Variants in TAB3 observed in about 807,000 individuals in gnomAD.
TAB3 encodes TGF-beta-activated kinase 1 and MAP3K7-binding protein 3.
In TAB3, 18 loss-of-function variants were observed where a neutral mutation model predicts 48.1. That is an observed-to-expected ratio of 0.37 (90% CI 0.26 to 0.55). TAB3 has a LOEUF of 0.55. Ranked by LOEUF, TAB3 falls within the 20% of genes least tolerant of loss-of-function variation. The pLI is 0.78. For synonymous variants in TAB3, 185 were observed against 190.2 expected (o/e 0.97, Z 0.22); for missense variants, 414 against 549.8 (o/e 0.75, Z 2.47).
At position 30,829,933 on chromosome X, in the gene TAB3, T is replaced by C. The variant is rs1326952079; in HGVS notation, c.*1494A>G. 1 of 110,373 alleles carries C rather than the reference T, an allele frequency of 9.1e-6. No individual in the cohort carries two copies. The highest frequency in any genetic ancestry group is 1.9e-5 in the Non-Finnish European group (1 of 52,848). The allele number at this position is 110,373 out of a possible 1,213,427, so 9.1% of individuals were successfully genotyped here. A position where few individuals can be genotyped will look rare whatever the true frequency, so the allele number is the denominator to read the frequency against. On this transcript the variant is annotated 3_prime_UTR_variant, in exon 11 of 11. Coordinates refer to ENST00000288422, the MANE Select transcript of TAB3 (RefSeq NM_152787.5). Reference sequence around the variant, plus strand: ...TATCCTCAGGTAAAATCCTTTAGGATGGGAGAACCTACTAACTTTATTGCT... The same window carrying C: ...TATCCTCAGGTAAAATCCTTTAGGACGGGAGAACCTACTAACTTTATTGCT...
chrX:30,874,687 C>T (rs1235100250), intron 1 of TAB3, among the ~76,000 whole-genome samples: 1 of 111,807 alleles, frequency 8.9e-6, no homozygotes, highest in Non-Finnish European at 1.9e-5. Flanking sequence ...GAAGCAGAAT[C>T]ACTAGAAGTA....
In TAB3 at chrX:30,854,203, C is replaced by T. The variant is rs867446008; in HGVS notation, c.1462G>A (p.Val488Met). 2.5e-6 allele frequency: 3 copies of T among 1,209,466 alleles called. No individual in the cohort carries two copies. The highest frequency in any genetic ancestry group is 3.5e-5 in the African/African-American group (2 of 56,996). ...TTTTCTCCCCCAGAGCCTGGTATCA[C>T]TGAAATGGGCTGAATAGGTTCTGGT... ...AAPEPIQPIS[V>M]IPGSGGEKGS... The change falls in exon 6 of 11, where the codon GTG (valine) becomes ATG (methionine). Residue 488 changes from valine (V) to methionine (M), a missense_variant. By Grantham distance (21) the Val-to-Met change is conservative. Coordinates refer to ENST00000288422, the MANE Select transcript of TAB3 (RefSeq NM_152787.5).
intron 1 of TAB3, among the ~76,000 whole-genome samples, chrX:30,881,296 G>A (rs1311592579): frequency 1.8e-5 from 2 of 110,451 alleles, no homozygotes; most frequent in Non-Finnish European, 3.8e-5. Context: ...AATTCACTGA[G>A]TTGTTCACTA....
chrX:30,838,478 T>C (rs983312117), intron 9 of TAB3, among the ~76,000 whole-genome samples: 2 of 112,057 alleles, frequency 1.8e-5, no homozygotes, highest in African/African-American at 6.5e-5. Context: ...GGATGCTCTT[T>C]TTCAAGATTG....
chrX:30,853,355 TC>T (rs1938931369), intron 6 of TAB3, among the ~76,000 whole-genome samples: 1 of 112,851 alleles, frequency 8.9e-6, no homozygotes, highest in Admixed American at 9.4e-5. Flanking sequence ...TATTAGCTAA[TC>T]CAGTAATTCC....
intron 1 of TAB3, among the ~76,000 whole-genome samples, chrX:30,886,989 C>T (rs1161252909): frequency 2.7e-5 from 3 of 111,811 alleles, no homozygotes; most frequent in Non-Finnish European, 5.6e-5. Flanking sequence ...GAAGAGCTGC[C>T]GTCTTTTCTG....
Position 30,854,725 on chromosome X carries a change from A to G in TAB3, c.940T>C (p.Ser314Pro), listed in dbSNP as rs1009326635. ...GGCATAAAGATGTGGCCCAACTGGG[A>G]AGGTTGCACTTGATGCTGTGGAGAG... ...FSSPQHQVQP[S>P]QLGHIFMPPS... Residue 314 changes from serine (S) to proline (P), a missense_variant, in exon 6 of 11, where the codon TCC becomes CCC. Transcript: ENST00000288422. The G allele has an allele frequency of 8.3e-6, 10 of 1,209,536 alleles. No individual in the cohort carries two copies. In the African/African-American group the frequency reaches 1.8e-4, roughly 21 times the overall value.
chrX:30,885,271 A>G (rs950027794), intron 1 of TAB3, among the ~76,000 whole-genome samples: 4 of 112,049 alleles, frequency 3.6e-5, no homozygotes, highest in Admixed American at 9.4e-5. Flanking sequence ...CCAGGAGACA[A>G]TGATCAATAT....
intron 1 of TAB3, among the ~76,000 whole-genome samples, chrX:30,879,103 A>G (rs1396936065): frequency 8.9e-6 from 1 of 112,162 alleles, no homozygotes; most frequent in Non-Finnish European, 1.9e-5. Context: ...ATAAAAGCAG[A>G]TATTAACAAA....
chrX:30,860,062 G>A, intron 4 of TAB3, among the ~76,000 whole-genome samples: 1 of 111,938 alleles, frequency 8.9e-6, no homozygotes, highest in Middle Eastern at 4.6e-3. Flanking sequence ...GCACTCACTG[G>A]CCACATTTGC....
chrX:30,878,516 A>AAAAAGAAAG (rs57251085), intron 1 of TAB3, among the ~76,000 whole-genome samples: 2 of 79,604 alleles, frequency 2.5e-5, no homozygotes, highest in African/African-American at 1.0e-4. Flanking sequence ...AAAAAAAAAA[A>AAAAAGAAAG]AAAGAAAGAA....
intron 10 of TAB3, among the ~76,000 whole-genome samples, chrX:30,832,973 C>CTTTTT (rs771088514): frequency 3.1e-5 from 3 of 97,914 alleles, no homozygotes; most frequent in African/African-American, 7.7e-5. Flanking sequence ...TTCTTTCTTT[C>CTTTTT]TTTTTTTTTT....
At chrX:30,840,599 T>A (rs953718194) in intron 9 of TAB3, among the ~76,000 whole-genome samples, 3 of 111,292 alleles carry the variant, frequency 2.7e-5, no homozygotes, top group African/African-American at 9.8e-5. Context: ...GGGGCAGGTC[T>A]TGTGATAGTA....
At chrX:30,868,348 ATAGCTTATATATATATATAT>A in intron 2 of TAB3, among the ~76,000 whole-genome samples, 1 of 27,936 alleles carries the variant, frequency 3.6e-5, no homozygotes, top group African/African-American at 1.9e-4. Flanking sequence ...TTTTATATAT[ATAGCTTATATATATATATAT>A]AGCTTATATA....
intron 8 of TAB3, 158 bp from the exon 9 acceptor site, chrX:30,843,207 G>C: frequency 2.5e-6 from 1 of 400,193 alleles, no homozygotes; most frequent in East Asian, 4.2e-5. Context: ...CAATGAAATT[G>C]TGTTTTCATC....
At chrX:30,848,466 G>A (rs1330433708) in intron 7 of TAB3, among the ~76,000 whole-genome samples, 1 of 111,615 alleles carries the variant, frequency 9.0e-6, no homozygotes, top group Admixed American at 9.5e-5. Context: ...AGGTTGCAGT[G>A]AGCCCAGATT....
chrX:30,877,158 A>G (rs1488865436), intron 1 of TAB3, among the ~76,000 whole-genome samples: 2 of 112,332 alleles, frequency 1.8e-5, no homozygotes, highest in Non-Finnish European at 3.8e-5. Context: ...TTAATTTTCA[A>G]CAACAAAAAT....
intron 1 of TAB3, among the ~76,000 whole-genome samples, chrX:30,879,794 G>C (rs1939945899): frequency 9.0e-6 from 1 of 111,382 alleles, no homozygotes; most frequent in African/African-American, 3.2e-5. Context: ...GAAGAAACAA[G>C]ACTTTATTTG....
chrX:30,878,027 A>G (rs1474046382), intron 1 of TAB3, among the ~76,000 whole-genome samples: 1 of 112,706 alleles, frequency 8.9e-6, no homozygotes, highest in African/African-American at 3.2e-5. Context: ...AAGGATCACT[A>G]GAGTTAAAAA....
Sources: allele counts gnomAD v4.1 joint callset (sites outside exome capture counted in the v4.1 genomes callset), GRCh38; gene constraint gnomAD v4.1.1; transcripts MANE v1.5; gene names NCBI Gene and HGNC (gene_info 2026-07-23, HGNC 2026-07-21).